BRINP3: variants seen among roughly 807,000 people sequenced by gnomAD.
The protein encoded by BRINP3 is BMP/retinoic acid inducible neural specific 3, also known as BMP/retinoic acid-inducible neural-specific protein 3.
BRINP3 carries 19 observed loss-of-function variants against 71.0 expected under a neutral mutation model. That is an observed-to-expected ratio of 0.27 (90% confidence interval 0.19 to 0.39). BRINP3 has a LOEUF of 0.39. Among genes scored for constraint, BRINP3 ranks in the 10% least tolerant of loss-of-function variants. BRINP3 has a pLI of 1.00. For synonymous variants in BRINP3, 380 were observed against 337.7 expected (o/e 1.13, Z -1.37); for missense variants, 959 against 940.8 (o/e 1.02, Z -0.25).
intron 1 of BRINP3, among the ~76,000 whole-genome samples, chr1:190,470,434 G>T (rs1023859907): frequency 6.0e-5 from 9 of 150,952 alleles, no homozygotes; most frequent in African/African-American, 2.2e-4. Context: ...CTATAATATG[G>T]TAGCTACTTT....
intron 2 of BRINP3, among the ~76,000 whole-genome samples, chr1:190,338,299 A>G (rs922791504): frequency 6.6e-6 from 1 of 152,068 alleles, no homozygotes; most frequent in African/African-American, 2.4e-5. Context: ...TGTTTACACT[A>G]TAACAGAGTT....
intron 2 of BRINP3, among the ~76,000 whole-genome samples, chr1:190,400,526 GTCAGCGTGAGGTT>G (rs1671853382): frequency 6.6e-6 from 1 of 152,250 alleles, no homozygotes; most frequent in Middle Eastern, 3.4e-3. Context: ...AATGCTTTTA[GTCAGCGTGAGGTT>G]TCAGCGTGAG....
chr1:190,244,097 A>G (rs1169879937), intron 4 of BRINP3, among the ~76,000 whole-genome samples: 1 of 152,074 alleles, frequency 6.6e-6, no homozygotes, highest in Non-Finnish European at 1.5e-5. Flanking sequence ...TAATAGAAAT[A>G]AAGTGCACCT....
intron 2 of BRINP3, among the ~76,000 whole-genome samples, chr1:190,374,028 T>G (rs1277040402): frequency 1.3e-5 from 2 of 151,612 alleles, no homozygotes; most frequent in Non-Finnish European, 2.9e-5. Flanking sequence ...GGGCATGGTC[T>G]TAAGCAAGTC....
chr1:190,373,991 T>C (rs970197581), intron 2 of BRINP3, among the ~76,000 whole-genome samples: 1 of 151,148 alleles, frequency 6.6e-6, no homozygotes, highest in African/African-American at 2.4e-5. Flanking sequence ...TTGCACAGGG[T>C]TTGAATCCTA....
intron 2 of BRINP3, among the ~76,000 whole-genome samples, chr1:190,438,752 A>G (rs1674630106): frequency 6.6e-6 from 1 of 151,962 alleles, no homozygotes; most frequent in African/African-American, 2.4e-5. Context: ...ACCCTTGACA[A>G]TAAGGAGAAA....
At chr1:190,312,302 T>C (rs1665590066) in intron 2 of BRINP3, among the ~76,000 whole-genome samples, 1 of 150,830 alleles carries the variant, frequency 6.6e-6, no homozygotes, top group African/African-American at 2.4e-5. Context: ...AGAATATGCA[T>C]GTATCTGAAA....
chr1:190,465,456 A>G (rs890426533), intron 1 of BRINP3, among the ~76,000 whole-genome samples: 13 of 151,882 alleles, frequency 8.6e-5, no homozygotes, highest in Non-Finnish European at 7.4e-5. Context: ...GAATCCTGCT[A>G]AGTCAGTTTT....
At chr1:190,219,235 TG>T (rs1656668094) in intron 6 of BRINP3, among the ~76,000 whole-genome samples, 1 of 152,010 alleles carries the variant, frequency 6.6e-6, no homozygotes. Flanking sequence ...CAGGAAACCA[TG>T]ACCTCCTCAA....
At chr1:190,155,841 A>T (rs1656818026) in intron 7 of BRINP3, among the ~76,000 whole-genome samples, 1 of 151,904 alleles carries the variant, frequency 6.6e-6, no homozygotes, top group Admixed American at 6.6e-5. Flanking sequence ...CCTTTGCCTT[A>T]TTCCATGATT....
chr1:190,427,575 T>C (rs866889262), intron 2 of BRINP3, among the ~76,000 whole-genome samples: 14 of 152,118 alleles, frequency 9.2e-5, no homozygotes, highest in African/African-American at 3.4e-4. Context: ...TAATAATTGT[T>C]TATTAATTAA....
At chr1:190,137,065 A>T (rs1655032490) in intron 7 of BRINP3, among the ~76,000 whole-genome samples, 1 of 152,148 alleles carries the variant, frequency 6.6e-6, no homozygotes, top group South Asian at 2.1e-4. Flanking sequence ...GGTATAGTGT[A>T]GCTATGTGTC....
rs114131677 is a variant in BRINP3, at chr1:190,190,619, A to G, written c.962-29729T>C. 4.8e-3 allele frequency among the ~76,000 whole-genome samples: 730 copies of G among 152,206 alleles called. 8 individuals are homozygous for G. Among genetic ancestry groups the G allele is most frequent in the African/African-American group, 0.016 (671 of 41,544 alleles). On this transcript the variant is annotated intron_variant, in intron 6 of 7. Transcript: ENST00000367462. Reference sequence around the variant, plus strand: ...CAATAACTACATATTTCTACTGTAGAGCATACTGATTCTTGCCTATCAGAA... The same window carrying G: ...CAATAACTACATATTTCTACTGTAGGGCATACTGATTCTTGCCTATCAGAA...
rs531273551 is a variant in BRINP3, at chr1:190,268,673, C to G, written c.428-3618G>C. Among the ~76,000 whole-genome samples the G allele has an allele frequency of 2.6e-5, 4 of 152,180 alleles. No homozygotes were observed. In the East Asian group the frequency reaches 7.7e-4, roughly 29 times the overall value. ...GAAAATTCAAAATTTAATAGACAAA[C>G]TACTGCACATATACAGTAACAAAAC... is the stretch of plus-strand genomic sequence containing the variant. On this transcript the variant is annotated intron_variant, in intron 3 of 7. Coordinates refer to ENST00000367462, the MANE Select transcript of BRINP3 (RefSeq NM_199051.3).
intron 2 of BRINP3, among the ~76,000 whole-genome samples, chr1:190,311,050 C>T (rs2103024609): frequency 6.6e-6 from 1 of 151,710 alleles, no homozygotes; most frequent in Admixed American, 6.6e-5. Flanking sequence ...ATAACTATTA[C>T]TTAAAAACCC....
intron 7 of BRINP3, among the ~76,000 whole-genome samples, chr1:190,112,532 G>C (rs1171399875): frequency 6.6e-6 from 1 of 152,086 alleles, no homozygotes; most frequent in Non-Finnish European, 1.5e-5. Flanking sequence ...GCACTGAAAA[G>C]CTTAGAAAAA....
chr1:190,168,748 A>T (rs900812778), intron 6 of BRINP3, among the ~76,000 whole-genome samples: 1 of 152,176 alleles, frequency 6.6e-6, no homozygotes, highest in African/African-American at 2.4e-5. Flanking sequence ...GAGTATTCAT[A>T]TTCCATCTCC....
At chr1:190,306,639 C>T (rs1407304827) in intron 2 of BRINP3, among the ~76,000 whole-genome samples, 1 of 151,628 alleles carries the variant, frequency 6.6e-6, no homozygotes, top group Non-Finnish European at 1.5e-5. Context: ...TATCAACATT[C>T]TCTGTAGTCT....
chr1:190,136,993 A>G (rs1032990858), intron 7 of BRINP3, among the ~76,000 whole-genome samples: 3 of 152,134 alleles, frequency 2.0e-5, no homozygotes, highest in Non-Finnish European at 4.4e-5. Flanking sequence ...TTAATCTATT[A>G]TAAGTTCTCA....
Sources: allele counts gnomAD v4.1 joint callset (sites outside exome capture counted in the v4.1 genomes callset), GRCh38; gene constraint gnomAD v4.1.1; transcripts MANE v1.5; gene names NCBI Gene and HGNC (gene_info 2026-07-23, HGNC 2026-07-21).